COL4A6: variants seen among roughly 807,000 people sequenced by gnomAD.
The protein encoded by COL4A6 is collagen type IV alpha 6 chain.
Under a neutral mutation model 126.7 loss-of-function variants are expected in COL4A6, and 59 were observed. The ratio of observed to expected loss-of-function variants is 0.47; its 90% CI spans 0.38 to 0.58. The LOEUF is 0.58. Among genes scored for constraint, COL4A6 ranks in the 20% least tolerant of loss-of-function variants. The pLI is 0.00. For synonymous variants in COL4A6, 547 were observed against 496.6 expected (o/e 1.10, Z -1.35); for missense variants, 1,285 against 1,337.3 (o/e 0.96, Z 0.61).
chrX:108,284,420 T>C (rs1330477700), intron 3 of COL4A6, among the ~76,000 whole-genome samples: 2 of 111,341 alleles, frequency 1.8e-5, no homozygotes, highest in Admixed American at 9.5e-5. Context: ...GTAACAAACC[T>C]GCATGTTCTG....
chrX:108,406,414 TC>T (rs1254876050), intron 2 of COL4A6, among the ~76,000 whole-genome samples: 4 of 112,505 alleles, frequency 3.6e-5, no homozygotes, highest in African/African-American at 1.3e-4. Flanking sequence ...TATACTAGAA[TC>T]TTCTAGTAGA....
intron 2 of COL4A6, among the ~76,000 whole-genome samples, chrX:108,391,051 G>A (rs904803318): frequency 1.8e-5 from 2 of 111,332 alleles, no homozygotes; most frequent in South Asian, 3.9e-4. Context: ...TGGAGATGGT[G>A]TTCCTTCCTC....
intron 2 of COL4A6, among the ~76,000 whole-genome samples, chrX:108,403,809 T>A (rs2041146632): frequency 8.9e-6 from 1 of 111,937 alleles, no homozygotes; most frequent in South Asian, 3.7e-4. Flanking sequence ...TCCTCAGTAC[T>A]TGGTGATCTT....
At chrX:108,288,039 C>T (rs1300912290) in intron 3 of COL4A6, among the ~76,000 whole-genome samples, 10 of 112,050 alleles carry the variant, frequency 8.9e-5, no homozygotes, top group Non-Finnish European at 1.9e-4. Flanking sequence ...AGGGTAAGTC[C>T]AGCCCCTGTT....
At chrX:108,345,582 C>A (rs765866411) in intron 2 of COL4A6, among the ~76,000 whole-genome samples, 1 of 111,544 alleles carries the variant, frequency 9.0e-6, no homozygotes, top group African/African-American at 3.3e-5. Flanking sequence ...TATCCCTGCC[C>A]CTTATGCAAA....
At chrX:108,333,503 G>A (rs746672615) in intron 2 of COL4A6, among the ~76,000 whole-genome samples, 1 of 110,413 alleles carries the variant, frequency 9.1e-6, no homozygotes, top group African/African-American at 3.3e-5. Flanking sequence ...TTAAGAATGA[G>A]AACAAGACAA....
intron 3 of COL4A6, among the ~76,000 whole-genome samples, chrX:108,254,200 C>A (rs2036932862): frequency 9.1e-6 from 1 of 110,183 alleles, no homozygotes; most frequent in African/African-American, 3.3e-5. Context: ...TGGACACTAC[C>A]TGGAGGCTGC....
rs900687805 is a variant in COL4A6 at position 108,280,536 on chromosome X, T to C, written c.144+30212A>G. On this transcript the variant is annotated intron_variant, in intron 3 of 44. Coordinates refer to ENST00000334504, the MANE Select transcript of COL4A6 (RefSeq NM_033641.4). ...TGACCAAAAAGAGTCCAGGACCAGA[T>C]AGATTCACAGCCGAATTCTACCAGA... Among the ~76,000 whole-genome samples the C allele has an allele frequency of 4.5e-5, 5 of 111,712 alleles. No individual in the cohort carries two copies. In the East Asian group the frequency reaches 1.1e-3, roughly 25 times the overall value.
At chrX:108,439,426 C>G (rs1050636528), upstream of COL4A6, 3 of 672,091 alleles carry the variant, frequency 4.5e-6, no homozygotes, top group African/African-American at 7.0e-5. Context: ...TAGAAACTCT[C>G]TGTTCTGTGA....
intron 2 of COL4A6, among the ~76,000 whole-genome samples, chrX:108,374,097 A>G (rs150532314): frequency 0.013 from 1,500 of 112,500 alleles, 13 homozygotes; most frequent in Middle Eastern, 0.033. Context: ...GGAGGATGCT[A>G]ATTAACCCAA....
At chrX:108,389,611 C>T (rs1446799933) in intron 2 of COL4A6, among the ~76,000 whole-genome samples, 6 of 110,212 alleles carry the variant, frequency 5.4e-5, no homozygotes, top group Non-Finnish European at 5.7e-5. Context: ...TTATTTTGAG[C>T]CTATGTGTGT....
intron 3 of COL4A6, among the ~76,000 whole-genome samples, chrX:108,299,774 A>G (rs1418940546): frequency 8.9e-6 from 1 of 112,093 alleles, no homozygotes; most frequent in Non-Finnish European, 1.9e-5. Flanking sequence ...TGAGGATAAA[A>G]GGTGTAAAGG....
intron 2 of COL4A6, among the ~76,000 whole-genome samples, chrX:108,345,835 C>T: frequency 8.9e-6 from 1 of 111,760 alleles, no homozygotes. Flanking sequence ...TCTGACTGCA[C>T]ATTAGAATCA....
chrX:108,273,904 G>A (rs1400577610), intron 3 of COL4A6, among the ~76,000 whole-genome samples: 1 of 112,252 alleles, frequency 8.9e-6, no homozygotes, highest in Non-Finnish European at 1.9e-5. Flanking sequence ...GGAACACATA[G>A]GTTAGAGAAA....
At chrX:108,233,601 ACT>A (rs2036364875) in intron 3 of COL4A6, among the ~76,000 whole-genome samples, 1 of 111,829 alleles carries the variant, frequency 8.9e-6, no homozygotes, top group Admixed American at 9.4e-5. Context: ...TCCCATGCAA[ACT>A]CACATCCCTG....
At chrX:108,231,926 A>G (rs1169789935) in intron 3 of COL4A6, among the ~76,000 whole-genome samples, 1 of 111,941 alleles carries the variant, frequency 8.9e-6, no homozygotes, top group Non-Finnish European at 1.9e-5. Flanking sequence ...TGGTTCCACA[A>G]TTAAAGTGGT....
intron 2 of COL4A6, among the ~76,000 whole-genome samples, chrX:108,433,532 C>CTT (rs1219550771): frequency 9.6e-6 from 1 of 104,228 alleles, no homozygotes; most frequent in Non-Finnish European, 2.0e-5. Flanking sequence ...TTCTTTTTCT[C>CTT]TTTTTTTTTT....
At chrX:108,201,228 C>G (rs967209015) in intron 13 of COL4A6, among the ~76,000 whole-genome samples, 25 of 111,695 alleles carry the variant, frequency 2.2e-4, no homozygotes, top group Admixed American at 9.5e-5. Flanking sequence ...GTCATCTATC[C>G]CCACTGGCCC....
intron 2 of COL4A6, among the ~76,000 whole-genome samples, chrX:108,436,177 G>A (rs1405987497): frequency 8.9e-6 from 1 of 112,448 alleles, no homozygotes; most frequent in Non-Finnish European, 1.9e-5. Context: ...GGAAGTGGCT[G>A]TGTACTTAAA....
Sources: allele counts gnomAD v4.1 joint callset (sites outside exome capture counted in the v4.1 genomes callset), GRCh38; gene constraint gnomAD v4.1.1; transcripts MANE v1.5; gene names NCBI Gene and HGNC (gene_info 2026-07-23, HGNC 2026-07-21).